Variants in BRD4 observed in about 807,000 individuals in gnomAD.
The protein encoded by BRD4 is bromodomain containing 4.
Under a neutral mutation model 142.1 loss-of-function variants are expected in BRD4, and 16 were observed. That is an observed-to-expected ratio of 0.11 (90% CI 0.08 to 0.17). The LOEUF is 0.17. Among genes scored for constraint, BRD4 ranks in the 10% least tolerant of loss-of-function variants. BRD4 has a pLI of 1.00. For missense variants in BRD4, 1,424 were observed against 1,810.9 expected, an observed-to-expected ratio of 0.79 and a Z score of 3.88; for synonymous variants, 833 against 707.5, an observed-to-expected ratio of 1.18 and a Z score of -2.82.
rs1300666103 is a variant in BRD4, at chr19:15,312,365, G to A, written c.-35+19925C>T. Reference sequence around the variant, plus strand: ...GTACAAAAAAGGGGCCAGGTGCGGTGGCTCACACCTGTAATCCCAGCACTC... The same window carrying A: ...GTACAAAAAAGGGGCCAGGTGCGGTAGCTCACACCTGTAATCCCAGCACTC... On this transcript the variant is annotated intron_variant, in intron 1 of 19. Transcript: ENST00000679869. 2.6e-5 allele frequency among the ~76,000 whole-genome samples: 4 copies of A among 152,204 alleles called. No individual in the cohort carries two copies. In the East Asian group the frequency reaches 7.7e-4, roughly 29 times the overall value.
Position 15,264,719 on chromosome 19 carries a change from G to A in BRD4, c.897C>T (p.Thr299=). ...KRKADTTTPT[T]IDPIHEPPSL... is the part of the protein sequence containing the mutation. Reference sequence around the variant, plus strand: ...AGGGTGGCTCGTGAATGGGGTCAATGGTGGTGGGGGTGGTGGTGTCTGCTT... The same window carrying A: ...AGGGTGGCTCGTGAATGGGGTCAATAGTGGTGGGGGTGGTGGTGTCTGCTT... The change falls in exon 6 of 20, where the codon ACC becomes ACT. Residue 299 remains threonine, a synonymous_variant. Transcript: ENST00000679869. The A allele has an allele frequency of 6.2e-7, 1 of 1,611,668 alleles. No individual in the cohort carries two copies. Among genetic ancestry groups the A allele is most frequent in the East Asian group, 2.2e-5 (1 of 44,846 alleles).
At chr19:15,257,278 G>A (rs1410857454) in intron 7 of BRD4, 105 bp from the exon 8 acceptor site, 6 of 1,067,884 alleles carry the variant, frequency 5.6e-6, no homozygotes, top group East Asian at 2.6e-5. Flanking sequence ...GAAAGCAACC[G>A]AGGGCGAAAG....
intron 1 of BRD4, among the ~76,000 whole-genome samples, chr19:15,304,181 C>A (rs995710663): frequency 6.6e-6 from 1 of 152,180 alleles, no homozygotes; most frequent in South Asian, 2.1e-4. Flanking sequence ...AGAAGGCATA[C>A]GGTGGTGACA....
chr19:15,239,637 T>C lies in BRD4; in HGVS notation c.3445+22A>G. 1.9e-6 allele frequency: 3 copies of C among 1,563,560 alleles called. No individual in the cohort carries two copies. The highest frequency in any genetic ancestry group is 1.2e-5 in the South Asian group (1 of 85,646). ...GGCCTCGGGGGGCCTGAGCCCTGGC[T>C]GTGGGCAGGGAGAGCACTCACGCTG... is the stretch of plus-strand genomic sequence containing the variant. On this transcript the variant is annotated intron_variant, in intron 16 of 19. Coordinates refer to ENST00000679869, the MANE Select transcript of BRD4 (RefSeq NM_001379291.1). This position sits in a 1 kb window ranked among gnomAD's most constrained non-coding sequence, Gnocchi z 7.4.
chr19:15,260,869 T>C (rs1487220833), intron 7 of BRD4, among the ~76,000 whole-genome samples: 1 of 149,558 alleles, frequency 6.7e-6, no homozygotes, highest in Non-Finnish European at 1.5e-5. Flanking sequence ...AGGAGGTGGC[T>C]CCAGGGTGTC....
chr19:15,327,873 G>A (rs2048122377), intron 1 of BRD4, among the ~76,000 whole-genome samples: 1 of 143,216 alleles, frequency 7.0e-6, no homozygotes, highest in Non-Finnish European at 1.5e-5. Flanking sequence ...AAAAGTGGCG[G>A]GGGGTGGGCA....
chr19:15,274,264 C>G (rs1258399233), intron 1 of BRD4, among the ~76,000 whole-genome samples: 1 of 152,180 alleles, frequency 6.6e-6, no homozygotes, highest in Non-Finnish European at 1.5e-5. Context: ...GACAAGGAAA[C>G]AAGTCAGTGG....
intron 1 of BRD4, among the ~76,000 whole-genome samples, chr19:15,327,898 G>T: frequency 9.6e-6 from 1 of 104,032 alleles, no homozygotes; most frequent in South Asian, 3.8e-4. Context: ...CATGGGGAAT[G>T]ATAGGTAATG....
At chr19:15,278,911 G>A (rs369193476) in intron 1 of BRD4, among the ~76,000 whole-genome samples, 54 of 152,038 alleles carry the variant, frequency 3.6e-4, no homozygotes, top group South Asian at 2.3e-3. Context: ...GCGTGATCTC[G>A]ACTCACTGTA....
intron 12 of BRD4, 50 bp downstream of exon 12, chr19:15,244,660 G>A: frequency 6.2e-7 from 1 of 1,614,032 alleles, no homozygotes; most frequent in Non-Finnish European, 8.5e-7. Context: ...AACTGGCCCG[G>A]GCCAGACCCA....
intron 1 of BRD4, among the ~76,000 whole-genome samples, chr19:15,283,469 GT>G (rs2047719607): frequency 6.6e-6 from 1 of 152,184 alleles, no homozygotes; most frequent in Non-Finnish European, 1.5e-5. Flanking sequence ...AGGGAAACAT[GT>G]TATGACAGCT....
intron 1 of BRD4, chr19:15,280,375 T>C (rs1444899732): frequency 2.0e-6 from 2 of 1,016,706 alleles, no homozygotes; most frequent in South Asian, 4.6e-5. Context: ...CTGCCTTCTC[T>C]GCAGAAGCAG....
At chr19:15,253,653 CG>C in intron 11 of BRD4, 1 of 1,597,620 alleles carries the variant, frequency 6.3e-7, no homozygotes, top group Non-Finnish European at 8.5e-7. Context: ...ACTGGCGATG[CG>C]GCTGGCCAGC....
chr19:15,322,697 C>CAAAAAAAAA (rs78397797), intron 1 of BRD4, among the ~76,000 whole-genome samples: 2 of 92,294 alleles, frequency 2.2e-5, no homozygotes, highest in African/African-American at 4.2e-5. Context: ...CTAAAAAATA[C>CAAAAAAAAA]AAAAAAAAAA....
chr19:15,316,989 C>T (rs1242330282), intron 1 of BRD4, among the ~76,000 whole-genome samples: 1 of 152,232 alleles, frequency 6.6e-6, no homozygotes, highest in East Asian at 1.9e-4. Flanking sequence ...TTGGAAAGCA[C>T]TTCTGAGCTC....
At chr19:15,257,223 G>T in intron 7 of BRD4, 50 bp from the exon 8 acceptor site, 8 of 1,521,154 alleles carry the variant, frequency 5.3e-6, no homozygotes, top group Non-Finnish European at 6.2e-6. Flanking sequence ...CCAGGCCGCG[G>T]CCTAGCATCA....
At chr19:15,307,033 C>G (rs774195054) in intron 1 of BRD4, among the ~76,000 whole-genome samples, 7 of 152,048 alleles carry the variant, frequency 4.6e-5, no homozygotes, top group Non-Finnish European at 8.8e-5. Flanking sequence ...ACGAGGTATA[C>G]CTATACATGC....
chr19:15,286,588 T>C (rs1282735779), intron 1 of BRD4, among the ~76,000 whole-genome samples: 1 of 152,190 alleles, frequency 6.6e-6, no homozygotes, highest in East Asian at 1.9e-4. Flanking sequence ...CGTGTAACAT[T>C]TTTTTCCTTA....
At chr19:15,273,278 T>C (rs1247829475) in intron 1 of BRD4, 145 bp from the exon 2 acceptor site, 1 of 743,638 alleles carries the variant, frequency 1.3e-6, no homozygotes, top group Non-Finnish European at 2.1e-6. Context: ...CACCCCATGC[T>C]TTGACTGAAA....
Sources: allele counts gnomAD v4.1 joint callset (sites outside exome capture counted in the v4.1 genomes callset), GRCh38; gene constraint gnomAD v4.1.1; non-coding constraint Gnocchi (gnomAD v3.1); transcripts MANE v1.5; gene names NCBI Gene and HGNC (gene_info 2026-07-23, HGNC 2026-07-21).